Variants in SPON1 observed in about 807,000 individuals in gnomAD.
SPON1 encodes the protein spondin-1.
A neutral mutation model predicts 111.7 loss-of-function variants in SPON1; 52 were observed. The ratio of observed to expected loss-of-function variants is 0.47; its 90% CI spans 0.37 to 0.59. The LOEUF (loss-of-function observed/expected upper bound fraction) is 0.59, where lower values mean the gene tolerates loss of function less well. SPON1 is among the 20% of genes least tolerant of loss of function. The pLI, the probability that SPON1 is intolerant of heterozygous loss-of-function variation, is 0.00. For synonymous variants in SPON1, 410 were observed against 395.8 expected, an observed-to-expected ratio of 1.04 and a Z score of -0.43; for missense variants, 957 against 1,068.5, an observed-to-expected ratio of 0.90 and a Z score of 1.46.
At chr11:14,021,804 A>G (rs533494754) in intron 2 of SPON1, among the ~76,000 whole-genome samples, 2 of 152,320 alleles carry the variant, frequency 1.3e-5, no homozygotes, top group South Asian at 4.1e-4. Context: ...GAGGATGTCC[A>G]TTCATTTGAC....
chr11:14,137,786 T>G (rs554265956), intron 6 of SPON1, among the ~76,000 whole-genome samples: 1 of 152,114 alleles, frequency 6.6e-6, no homozygotes, highest in Non-Finnish European at 1.5e-5. Flanking sequence ...ACCTGTATAA[T>G]TTCCCTGTCC....
At chr11:13,970,780 G>T (rs1848057149) in intron 1 of SPON1, among the ~76,000 whole-genome samples, 4 of 152,166 alleles carry the variant, frequency 2.6e-5, no homozygotes, top group Admixed American at 6.5e-5. Context: ...TAAAGAGGCT[G>T]CTCTCACTAC....
chr11:14,141,390 G>T (rs1847654622), intron 6 of SPON1, among the ~76,000 whole-genome samples: 1 of 152,156 alleles, frequency 6.6e-6, no homozygotes, highest in Admixed American at 6.6e-5. Context: ...AGCCATGAAT[G>T]GTTCTTGCAT....
intron 3 of SPON1, among the ~76,000 whole-genome samples, chr11:14,050,395 C>T (rs1356327037): frequency 1.3e-5 from 2 of 152,148 alleles, no homozygotes; most frequent in African/African-American, 2.4e-5. Context: ...AACACAGTTA[C>T]GTTAATTCAT....
At chr11:14,152,903 T>C (rs1443872253) in intron 6 of SPON1, among the ~76,000 whole-genome samples, 1 of 152,182 alleles carries the variant, frequency 6.6e-6, no homozygotes, top group Non-Finnish European at 1.5e-5. Flanking sequence ...CAAATGGACA[T>C]GGTGATCATT....
intron 3 of SPON1, among the ~76,000 whole-genome samples, chr11:14,064,599 G>A (rs547016263): frequency 6.6e-6 from 1 of 152,338 alleles, no homozygotes; most frequent in South Asian, 2.1e-4. Flanking sequence ...GTAAGCGAGA[G>A]AGGAGCCTTT....
chr11:14,036,263 A>G (rs1190219540), intron 2 of SPON1, among the ~76,000 whole-genome samples: 1 of 152,238 alleles, frequency 6.6e-6, no homozygotes, highest in Admixed American at 6.5e-5. Flanking sequence ...AACAAATTGG[A>G]GAAAGACGAG....
At chr11:14,176,609 C>T (rs34683484) in intron 6 of SPON1, among the ~76,000 whole-genome samples, 1 of 152,168 alleles carries the variant, frequency 6.6e-6, no homozygotes, top group Non-Finnish European at 1.5e-5. Context: ...CCAGACACCC[C>T]TCAATGGGGC....
intron 6 of SPON1, among the ~76,000 whole-genome samples, chr11:14,171,935 G>A (rs1187874739): frequency 6.6e-6 from 1 of 152,228 alleles, no homozygotes; most frequent in Non-Finnish European, 1.5e-5. Context: ...TTTGGAATAA[G>A]TGTGGTGTGG....
intron 3 of SPON1, among the ~76,000 whole-genome samples, chr11:14,051,942 C>A (rs781857947): frequency 1.3e-5 from 2 of 152,128 alleles, no homozygotes; most frequent in African/African-American, 2.4e-5. Context: ...GATGTTTAGA[C>A]AGTTGATGTA....
intron 3 of SPON1, among the ~76,000 whole-genome samples, chr11:14,061,255 G>A (rs1554919841): frequency 6.6e-6 from 1 of 152,206 alleles, no homozygotes; most frequent in African/African-American, 2.4e-5. Flanking sequence ...TGATTTCATG[G>A]TGATTATAAG....
chr11:14,053,855 G>A (rs1449900012), intron 3 of SPON1, among the ~76,000 whole-genome samples: 1 of 152,184 alleles, frequency 6.6e-6, no homozygotes, highest in African/African-American at 2.4e-5. Flanking sequence ...TGACCACAGT[G>A]CAACAAAGTC....
intron 2 of SPON1, among the ~76,000 whole-genome samples, chr11:14,025,559 T>TG (rs547021119): frequency 1.2e-3 from 188 of 152,322 alleles, no homozygotes; most frequent in Non-Finnish European, 2.4e-3. Context: ...TCCACTGCTC[T>TG]GGGGTGGGGC....
chr11:14,187,645 C>T (rs782505800), intron 6 of SPON1, among the ~76,000 whole-genome samples: 24 of 152,076 alleles, frequency 1.6e-4, no homozygotes, highest in African/African-American at 3.9e-4. Flanking sequence ...GTCAGAGTCT[C>T]GATCTGTTGC....
intron 1 of SPON1, among the ~76,000 whole-genome samples, chr11:13,977,715 G>A (rs1433247970): frequency 2.0e-4 from 19 of 97,116 alleles, no homozygotes; most frequent in African/African-American, 6.6e-4. Flanking sequence ...TTTATTGTTA[G>A]TGCTTTTTTA....
chr11:14,072,918 G>A (rs1471625325), intron 3 of SPON1, among the ~76,000 whole-genome samples: 2 of 152,072 alleles, frequency 1.3e-5, no homozygotes, highest in South Asian at 2.1e-4. Context: ...TCTGGGTAAT[G>A]TGGCCCTACC....
chr11:14,252,555 G>C (rs1330648352), intron 7 of SPON1, among the ~76,000 whole-genome samples: 1 of 119,526 alleles, frequency 8.4e-6, no homozygotes, highest in Non-Finnish European at 1.8e-5. Context: ...TGGGAATCCA[G>C]CGCTATGTAC....
intron 11 of SPON1, among the ~76,000 whole-genome samples, chr11:14,258,653 T>C (rs1849137702): frequency 6.6e-6 from 1 of 152,254 alleles, no homozygotes; most frequent in Admixed American, 6.5e-5. Context: ...GCTTATCCCA[T>C]GCAGGTCATT....
chr11:14,117,217 G>A (rs1033427778), intron 5 of SPON1, among the ~76,000 whole-genome samples: 7 of 151,938 alleles, frequency 4.6e-5, no homozygotes, highest in South Asian at 4.1e-4. Context: ...TTACCTCTAC[G>A]ATGTTAAATA....
Sources: allele counts gnomAD v4.1 joint callset (sites outside exome capture counted in the v4.1 genomes callset), GRCh38; gene constraint gnomAD v4.1.1; transcripts MANE v1.5; gene names NCBI Gene and HGNC (gene_info 2026-07-23, HGNC 2026-07-21).